PLEKHG1: variants seen among roughly 807,000 people sequenced by gnomAD.
PLEKHG1 encodes the protein pleckstrin homology and RhoGEF domain containing G1.
Under a neutral mutation model 100.8 loss-of-function variants are expected in PLEKHG1, and 44 were observed. The ratio of observed to expected loss-of-function variants is 0.44; its 90% CI spans 0.34 to 0.56. The LOEUF is 0.56. Ranked by LOEUF, PLEKHG1 falls within the 20% of genes least tolerant of loss-of-function variation. The pLI is 0.01. For missense variants in PLEKHG1, 1,545 were observed against 1,720.9 expected (o/e 0.90, Z 1.81); for synonymous variants, 640 against 662.5 (o/e 0.97, Z 0.52).
At position 150,618,939 on chromosome 6, in the gene PLEKHG1, T is replaced by C. The variant is rs114666325; in HGVS notation, c.-204+18922T>C. On this transcript the variant is annotated intron_variant, in intron 1 of 3. Transcript: ENST00000367326. ...ATAAAGAAAATTTTTTTTAAATTAT[T>C]TGGGCATGGTGGCAGTATCTGTAGT... 8.1e-3 allele frequency among the ~76,000 whole-genome samples: 1,237 copies of C among 152,118 alleles called. 18 individuals are homozygous for C. Among genetic ancestry groups the C allele is most frequent in the African/African-American group, 0.028 (1,162 of 41,488 alleles).
At chr6:150,812,966 T>G (rs994826301) in intron 10 of PLEKHG1, among the ~76,000 whole-genome samples, 7 of 151,834 alleles carry the variant, frequency 4.6e-5, no homozygotes, top group Admixed American at 6.6e-5. Flanking sequence ...GCTGAGTGAG[T>G]GAAGCAGAGA....
At position 150,795,252 on chromosome 6, in the gene PLEKHG1, C is replaced by T. The variant is rs114820664; in HGVS notation, c.583-604C>T. Among the ~76,000 whole-genome samples the T allele has an allele frequency of 6.7e-3, 1,026 of 152,020 alleles. 14 individuals are homozygous for T. Among genetic ancestry groups the T allele is most frequent in the African/African-American group, 0.024 (976 of 41,446 alleles). On this transcript the variant is annotated intron_variant, in intron 4 of 15. Transcript: ENST00000358517. Reference sequence around the variant, plus strand: ...AAAAATACAAAAAACTAGCTGGGCGCGGTGACGCATGCCTGTAATCCCAGC... The same window carrying T: ...AAAAATACAAAAAACTAGCTGGGCGTGGTGACGCATGCCTGTAATCCCAGC...
At chr6:150,840,979 C>A in exon 16 of PLEKHG1, 1 of 1,070,744 alleles carries the variant, frequency 9.3e-7, no homozygotes, top group East Asian at 2.4e-5. Context: ...TTTATGTATA[C>A]CAGATTAAAA....
At chr6:150,704,450 C>T (rs1582972989) in intron 3 of PLEKHG1, among the ~76,000 whole-genome samples, 2 of 152,208 alleles carry the variant, frequency 1.3e-5, no homozygotes, top group Non-Finnish European at 2.9e-5. Flanking sequence ...AGAGTCTAAT[C>T]CTTGAAGTCT....
chr6:150,709,458 A>T (rs1781162715), intron 3 of PLEKHG1, among the ~76,000 whole-genome samples: 1 of 152,232 alleles, frequency 6.6e-6, no homozygotes, highest in African/African-American at 2.4e-5. Context: ...TTACAATTCT[A>T]AAGTTATTTG....
chr6:150,760,770 A>T (rs1445756341), intron 2 of PLEKHG1, among the ~76,000 whole-genome samples: 2 of 151,792 alleles, frequency 1.3e-5, no homozygotes, highest in Non-Finnish European at 2.9e-5. Context: ...CCAACTGTCT[A>T]CCTCTGTCAG....
In PLEKHG1 at chr6:150,683,563, T is replaced by C. The variant is rs1780005380; in HGVS notation, c.-99+32777T>C. ...AGGACATTACCCTTCTTCCTCTTCC[T>C]GACCACTGCTGTTCCCACAGCAGTC... On this transcript the variant is annotated intron_variant, in intron 3 of 3. Coordinates refer to the PLEKHG1 transcript ENST00000367326. The surrounding 1 kb of genome is among the most constrained non-coding windows in gnomAD (Gnocchi z 4.0). 1 of 285,446 alleles carries C rather than the reference T, an allele frequency of 3.5e-6. No homozygotes were observed. The highest frequency in any genetic ancestry group is 5.0e-5 in the Admixed American group (1 of 19,826). The allele number at this position is 285,446 out of a possible 1,614,324, so 17.7% of individuals were successfully genotyped here.
chr6:150,607,489 A>G (rs575798858), intron 1 of PLEKHG1, among the ~76,000 whole-genome samples: 4 of 152,352 alleles, frequency 2.6e-5, no homozygotes, highest in South Asian at 2.1e-4. Flanking sequence ...ATGTTGTGCT[A>G]AAGTATTAGA....
intron 3 of PLEKHG1, among the ~76,000 whole-genome samples, chr6:150,774,630 C>A (rs934845059): frequency 1.4e-5 from 2 of 141,528 alleles, no homozygotes; most frequent in Non-Finnish European, 3.0e-5. Context: ...CAGCCTCCAT[C>A]TCCCGGGTTA....
chr6:150,719,747 A>C (rs1384549104), upstream of PLEKHG1, among the ~76,000 whole-genome samples: 1 of 152,198 alleles, frequency 6.6e-6, no homozygotes, highest in Admixed American at 6.5e-5. Flanking sequence ...TGGAGGCCAG[A>C]ATAGAGGATG....
chr6:150,803,617 C>G (rs1023199521), intron 6 of PLEKHG1, among the ~76,000 whole-genome samples: 1 of 152,200 alleles, frequency 6.6e-6, no homozygotes, highest in Non-Finnish European at 1.5e-5. Context: ...TAACATACTT[C>G]TGACCATCAG....
chr6:150,622,184 G>T (rs1194481453), intron 1 of PLEKHG1, among the ~76,000 whole-genome samples: 1 of 152,146 alleles, frequency 6.6e-6, no homozygotes, highest in South Asian at 2.1e-4. Flanking sequence ...ATATAATTTT[G>T]TTAAGTGAAT....
rs148632575 is a variant in PLEKHG1, at chr6:150,665,221, G to T, written c.-99+14435G>T. ...TTGCAAGTTACTTAAATAAATTATC[G>T]CTCTTCTTGCCTCTATTGTCACCCA... On this transcript the variant is annotated intron_variant, in intron 3 of 3. Coordinates refer to the PLEKHG1 transcript ENST00000367326. 7.9e-5 allele frequency among the ~76,000 whole-genome samples: 12 copies of T among 152,184 alleles called. No individual in the cohort carries two copies. In the East Asian group the frequency reaches 2.3e-3, roughly 29 times the overall value.
Position 150,804,752 on chromosome 6 carries a change from G to A in PLEKHG1, c.912+11G>A. The A allele has an allele frequency of 3.7e-6, 6 of 1,610,272 alleles. No homozygotes were observed. Among genetic ancestry groups the A allele is most frequent in the South Asian group, 1.1e-5 (1 of 90,086 alleles). On this transcript the variant is annotated intron_variant, in intron 7 of 15. Coordinates refer to ENST00000358517, the Ensembl canonical transcript of PLEKHG1. ...GCGGTCCGGTTACAGGTGAGCCCGC[G>A]AGGTGTCGGTGCCCGGCAGGGTTGC...
upstream of PLEKHG1, among the ~76,000 whole-genome samples, chr6:150,717,606 C>G (rs1002588678): frequency 9.9e-5 from 15 of 152,204 alleles, no homozygotes; most frequent in African/African-American, 3.6e-4. Flanking sequence ...GTGGGTGCTG[C>G]TCTTCTGCGC....
At chr6:150,802,728 T>G (rs920089706) in intron 6 of PLEKHG1, among the ~76,000 whole-genome samples, 5 of 149,958 alleles carry the variant, frequency 3.3e-5, no homozygotes, top group African/African-American at 1.2e-4. Flanking sequence ...TGGCACAATC[T>G]CAGCTCACTG....
chr6:150,602,047 C>A (rs1776377809), intron 1 of PLEKHG1, among the ~76,000 whole-genome samples: 1 of 152,144 alleles, frequency 6.6e-6, no homozygotes, highest in African/African-American at 2.4e-5. Context: ...AATAACCAGT[C>A]CTATGTTGTG....
chr6:150,785,560 A>G (rs1176807831), intron 3 of PLEKHG1, among the ~76,000 whole-genome samples: 1 of 152,222 alleles, frequency 6.6e-6, no homozygotes, highest in Non-Finnish European at 1.5e-5. Flanking sequence ...ATGAATTTAC[A>G]TTTGAGGAAA....
intron 2 of PLEKHG1, among the ~76,000 whole-genome samples, chr6:150,737,584 G>A (rs922466369): frequency 1.3e-5 from 2 of 152,030 alleles, no homozygotes; most frequent in African/African-American, 2.4e-5. Flanking sequence ...GAGCCACCGC[G>A]CCCGGCCTGG....
Sources: gnomAD v4.1 joint callset for allele counts (sites outside exome capture counted in the v4.1 genomes callset) on GRCh38, gnomAD v4.1.1 for gene constraint, Gnocchi (gnomAD v3.1) non-coding constraint, MANE v1.5 for transcripts, NCBI Gene and HGNC (gene_info 2026-07-23, HGNC 2026-07-21) for gene names.